CHRNA7: variants seen among roughly 807,000 people sequenced by gnomAD.
The protein encoded by CHRNA7 is neuronal acetylcholine receptor subunit alpha-7.
A neutral mutation model predicts 48.0 loss-of-function variants in CHRNA7; 17 were observed. The ratio of observed to expected loss-of-function variants is 0.35; its 90% CI spans 0.24 to 0.53. CHRNA7 has a LOEUF of 0.53. CHRNA7 is among the 20% of genes least tolerant of loss of function. The probability of loss-of-function intolerance (pLI) is 0.92; values close to 1 mark genes in which losing one functional copy is unlikely to be tolerated. For synonymous variants in CHRNA7, 75 were observed against 242.3 expected, an observed-to-expected ratio of 0.31 and a Z score of 6.41; for missense variants, 155 against 577.7, an observed-to-expected ratio of 0.27 and a Z score of 7.50.
At chr15:32,053,289 T>A (rs1269850692) in intron 2 of CHRNA7, among the ~76,000 whole-genome samples, 1 of 152,232 alleles carries the variant, frequency 6.6e-6, no homozygotes, top group African/African-American at 2.4e-5. Flanking sequence ...TTTGACATGC[T>A]GTTAAAGGAA....
chr15:32,081,778 C>T (rs981779929), intron 2 of CHRNA7, among the ~76,000 whole-genome samples: 1 of 152,124 alleles, frequency 6.6e-6, no homozygotes, highest in Non-Finnish European at 1.5e-5. Flanking sequence ...AAAAAAAGTT[C>T]CATTATATTT....
At chr15:32,108,624 C>T (rs2050711376) in intron 3 of CHRNA7, among the ~76,000 whole-genome samples, 1 of 152,176 alleles carries the variant, frequency 6.6e-6, no homozygotes, top group East Asian at 1.9e-4. Flanking sequence ...ACCTGGGCTC[C>T]AGGGCACACA....
At chr15:32,051,430 C>T (rs555762457) in intron 2 of CHRNA7, among the ~76,000 whole-genome samples, 39 of 152,244 alleles carry the variant, frequency 2.6e-4, no homozygotes, top group East Asian at 9.7e-4. Flanking sequence ...AGTGAGACTC[C>T]ATGGGCGTAG....
At chr15:32,110,559 G>A (rs1357603287) in intron 3 of CHRNA7, among the ~76,000 whole-genome samples, 1 of 152,178 alleles carries the variant, frequency 6.6e-6, no homozygotes, top group Non-Finnish European at 1.5e-5. Context: ...TCTGGATGCT[G>A]CCTGCCCTCC....
chr15:32,095,618 G>T (rs894616840), intron 2 of CHRNA7, among the ~76,000 whole-genome samples: 2 of 152,124 alleles, frequency 1.3e-5, no homozygotes, highest in Non-Finnish European at 2.9e-5. Flanking sequence ...TCTGCTGCTG[G>T]TCCCTATGTC....
chr15:32,114,085 T>A (rs2050823647), intron 4 of CHRNA7, among the ~76,000 whole-genome samples: 1 of 138,298 alleles, frequency 7.2e-6, no homozygotes, highest in South Asian at 2.3e-4. Context: ...TACACATACA[T>A]ACATACACAC....
At chr15:32,095,357 T>C (rs555269857) in intron 2 of CHRNA7, among the ~76,000 whole-genome samples, 1 of 152,374 alleles carries the variant, frequency 6.6e-6, no homozygotes, top group East Asian at 1.9e-4. Context: ...TTTATGTGAT[T>C]ATATCTATCA....
chr15:32,056,404 CTAAT>C (rs1237807317), intron 2 of CHRNA7, among the ~76,000 whole-genome samples: 1 of 151,976 alleles, frequency 6.6e-6, no homozygotes, highest in Non-Finnish European at 1.5e-5. Flanking sequence ...GGACTGGTGA[CTAAT>C]TTATTTTGTT....
chr15:32,108,063 C>T (rs2050700183), intron 3 of CHRNA7, among the ~76,000 whole-genome samples: 1 of 151,458 alleles, frequency 6.6e-6, no homozygotes, highest in Non-Finnish European at 1.5e-5. Context: ...CTTTTTCCTC[C>T]CTCCCTTCCC....
intron 2 of CHRNA7, among the ~76,000 whole-genome samples, chr15:32,059,033 TTACTCTGTTGCCCAGGCTGGAGTGCAG>T (rs1404729325): frequency 1.3e-5 from 2 of 151,980 alleles, no homozygotes; most frequent in Non-Finnish European, 2.9e-5. Context: ...GGACAGAGTC[TTACTCTGTTGCCCAGGCTGGAGTGCAG>T]TGGCATAATC....
intron 4 of CHRNA7, among the ~76,000 whole-genome samples, chr15:32,133,091 T>G (rs1039290110): frequency 1.3e-5 from 2 of 152,184 alleles, no homozygotes; most frequent in East Asian, 3.9e-4. Flanking sequence ...TGTTGTTCCC[T>G]TCACCTTTGT....
At chr15:32,148,035 G>A (rs1381403239) in intron 4 of CHRNA7, among the ~76,000 whole-genome samples, 2 of 152,120 alleles carry the variant, frequency 1.3e-5, no homozygotes, top group African/African-American at 4.8e-5. Context: ...TTTTTGGATA[G>A]ATTTCATCTT....
At chr15:32,041,615 C>T (rs2049449605) in intron 2 of CHRNA7, among the ~76,000 whole-genome samples, 1 of 152,242 alleles carries the variant, frequency 6.6e-6, no homozygotes, top group Non-Finnish European at 1.5e-5. Context: ...TACTTCTTCT[C>T]CTTCTCGCAT....
intron 2 of CHRNA7, among the ~76,000 whole-genome samples, chr15:32,084,293 T>G (rs2050261015): frequency 6.6e-6 from 1 of 152,238 alleles, no homozygotes; most frequent in Non-Finnish European, 1.5e-5. Flanking sequence ...TCTTTCTGTT[T>G]AATGTCTGTA....
intron 2 of CHRNA7, among the ~76,000 whole-genome samples, chr15:32,033,459 G>A (rs1901939610): frequency 6.6e-6 from 1 of 152,214 alleles, no homozygotes. Context: ...CATCGGACAA[G>A]TCCTTTGTCT....
rs146623074 is a variant in CHRNA7 at position 32,107,801 on chromosome 15, A to G, written c.241-3989A>G. Reference sequence around the variant, plus strand: ...ACCCCTCCCCAGAGCTGTGAGTGCAATGGGCAGAAAGCTCTTTACTCCAGT... The same window carrying G: ...ACCCCTCCCCAGAGCTGTGAGTGCAGTGGGCAGAAAGCTCTTTACTCCAGT... On this transcript the variant is annotated intron_variant, in intron 3 of 9. Transcript: ENST00000306901. Among the ~76,000 whole-genome samples the G allele has an allele frequency of 8.0e-3, 1,211 of 152,122 alleles. 12 individuals carry two copies. The highest frequency in any genetic ancestry group is 0.013 in the Non-Finnish European group (874 of 68,002).
rs1019487491 is a variant in CHRNA7, at chr15:32,105,677, G to A, written c.240+4330G>A. On this transcript the variant is annotated intron_variant, in intron 3 of 9. Coordinates refer to ENST00000306901, the MANE Select transcript of CHRNA7 (RefSeq NM_000746.6). The stretch of plus-strand genomic sequence containing the variant: ...AGGAGAGGCACAAATTCTCCTAAAC[G>A]TGAAGATCTGGGAGCACTGGCATTT... Among the ~76,000 whole-genome samples, 6 of 152,190 alleles carry A rather than the reference G, an allele frequency of 3.9e-5. No homozygotes were observed. The East Asian group carries it at 5.8e-4, about 15-fold the overall frequency.
intron 2 of CHRNA7, among the ~76,000 whole-genome samples, chr15:32,095,853 G>A (rs1259162569): frequency 6.6e-6 from 1 of 152,188 alleles, no homozygotes; most frequent in Non-Finnish European, 1.5e-5. Flanking sequence ...GTTACAACAA[G>A]GAGGACAGAA....
At chr15:32,077,562 A>G (rs148099861) in intron 2 of CHRNA7, among the ~76,000 whole-genome samples, 144 of 152,228 alleles carry the variant, frequency 9.5e-4, no homozygotes, top group Non-Finnish European at 1.6e-3. Flanking sequence ...TGTGGAACAT[A>G]TTTTCATATG....
Sources: allele counts gnomAD v4.1 joint callset (sites outside exome capture counted in the v4.1 genomes callset), GRCh38; gene constraint gnomAD v4.1.1; transcripts MANE v1.5; gene names NCBI Gene and HGNC (gene_info 2026-07-23, HGNC 2026-07-21).